Variants in RASGRP3 observed in about 807,000 individuals in gnomAD.
The protein encoded by RASGRP3 is ras guanyl-releasing protein 3.
RASGRP3 carries 54 observed loss-of-function variants against 82.7 expected under a neutral mutation model. That is an observed-to-expected ratio of 0.65 (90% CI 0.52 to 0.82). The LOEUF is 0.82. Among genes scored for constraint, RASGRP3 ranks in the 40% least tolerant of loss-of-function variants. RASGRP3 has a pLI of 0.00. For missense variants in RASGRP3, 861 were observed against 828.9 expected, an observed-to-expected ratio of 1.04 and a Z score of -0.48; for synonymous variants, 309 against 300.5, an observed-to-expected ratio of 1.03 and a Z score of -0.29.
At chr2:33,510,080 A>G (rs1670790330) in intron 1 of RASGRP3, among the ~76,000 whole-genome samples, 2 of 152,236 alleles carry the variant, frequency 1.3e-5, no homozygotes, top group Admixed American at 6.5e-5. Context: ...ACTTGTATTC[A>G]TGAAGGATTA....
intron 13 of RASGRP3, among the ~76,000 whole-genome samples, chr2:33,547,222 A>G (rs1054355055): frequency 2.0e-5 from 3 of 152,036 alleles, no homozygotes; most frequent in Non-Finnish European, 4.4e-5. Context: ...TCAAGAACAC[A>G]AAGAAGGGAA....
intron 12 of RASGRP3, among the ~76,000 whole-genome samples, chr2:33,541,111 A>G (rs988178731): frequency 2.7e-5 from 4 of 147,440 alleles, no homozygotes; most frequent in Admixed American, 7.0e-5. Flanking sequence ...ATGTGTTTGC[A>G]GAAAGAACTT....
intron 15 of RASGRP3, 83 bp from the exon 16 acceptor site, chr2:33,558,128 G>C: frequency 3.3e-6 from 5 of 1,515,548 alleles, no homozygotes; most frequent in Non-Finnish European, 4.5e-6. Flanking sequence ...GGGGAGGGGA[G>C]GGCTGACAAA....
chr2:33,507,994 T>C (rs1670552513), intron 1 of RASGRP3, among the ~76,000 whole-genome samples: 2 of 152,162 alleles, frequency 1.3e-5, no homozygotes, highest in African/African-American at 4.8e-5. Context: ...AAAGAAGTGG[T>C]TGGTGGCAGA....
Position 33,520,542 on chromosome 2 carries a change from A to G in RASGRP3, c.237-11A>G, listed in dbSNP as rs545311745. On this transcript the variant is annotated splice_polypyrimidine_tract_variant and intron_variant, in intron 5 of 17. Coordinates refer to ENST00000403687, the MANE Select transcript of RASGRP3 (RefSeq NM_001139488.2). ...ATCTTCCAGCTGCCAAAAATATTTGATGCCTTTCAGGTACTGGATTCTGAA... is the reference window on the plus strand; with the variant it reads ...ATCTTCCAGCTGCCAAAAATATTTGGTGCCTTTCAGGTACTGGATTCTGAA... 2.5e-6 allele frequency: 4 copies of G among 1,612,256 alleles called. No homozygotes were observed. The East Asian group carries it at 6.7e-5, about 27-fold the overall frequency.
intron 1 of RASGRP3, among the ~76,000 whole-genome samples, chr2:33,487,969 T>C (rs1668537095): frequency 6.6e-6 from 1 of 152,190 alleles, no homozygotes; most frequent in Non-Finnish European, 1.5e-5. Context: ...CACGTATATA[T>C]GTATATTACC....
upstream of RASGRP3, among the ~76,000 whole-genome samples, chr2:33,473,855 G>A (rs1667203378): frequency 6.6e-6 from 1 of 152,138 alleles, no homozygotes; most frequent in Non-Finnish European, 1.5e-5. Flanking sequence ...CCAGTTTCAT[G>A]GAAGACAATT....
At chr2:33,559,455 T>C (rs928493348) in intron 17 of RASGRP3, among the ~76,000 whole-genome samples, 1 of 152,214 alleles carries the variant, frequency 6.6e-6, no homozygotes, top group Non-Finnish European at 1.5e-5. Flanking sequence ...CTTTTCATTC[T>C]GCTCAAAAGA....
rs530478556 is a variant in RASGRP3, at chr2:33,534,676, A to G, written c.1161+276A>G. Among the ~76,000 whole-genome samples the G allele has an allele frequency of 2.8e-3, 421 of 148,688 alleles. 2 individuals carry two copies. Among genetic ancestry groups the G allele is most frequent in the African/African-American group, 0.01 (411 of 40,328 alleles). On this transcript the variant is annotated intron_variant, in intron 11 of 17. Coordinates refer to ENST00000403687, the MANE Select transcript of RASGRP3 (RefSeq NM_001139488.2). ...CCCAAGTAGCTAGAATTATAGGTGCACACTGCCACACCCAGCAATTTTTTT... is the reference window on the plus strand; with the variant it reads ...CCCAAGTAGCTAGAATTATAGGTGCGCACTGCCACACCCAGCAATTTTTTT...
At chr2:33,536,988 G>A (rs1366841577) in intron 11 of RASGRP3, among the ~76,000 whole-genome samples, 1 of 152,146 alleles carries the variant, frequency 6.6e-6, no homozygotes, top group African/African-American at 2.4e-5. Flanking sequence ...GAGTCAGGGT[G>A]ACAGCCTTTT....
rs538019331 is a variant in RASGRP3 at position 33,542,660 on chromosome 2, C to A, written c.1279-852C>A. 1.2e-4 allele frequency among the ~76,000 whole-genome samples: 18 copies of A among 146,332 alleles called. 3 individuals carry two copies. In the South Asian group the frequency reaches 1.3e-3, roughly 11 times the overall value. On this transcript the variant is annotated intron_variant, in intron 12 of 17. Coordinates refer to ENST00000403687, the MANE Select transcript of RASGRP3 (RefSeq NM_001139488.2). ...CTTTCTTAATCCACCTCCTCTTTCC[C>A]CCCCCCACCAATATCACTCTATTTT...
intron 1 of RASGRP3, chr2:33,481,520 A>T (rs1481190949): frequency 6.6e-6 from 1 of 152,138 alleles, no homozygotes; most frequent in African/African-American, 2.4e-5. Flanking sequence ...ATGCACTTAC[A>T]CAATCTGTGG....
intron 3 of RASGRP3, among the ~76,000 whole-genome samples, chr2:33,516,140 T>G (rs1671441245): frequency 6.6e-6 from 1 of 152,204 alleles, no homozygotes; most frequent in Admixed American, 6.5e-5. Flanking sequence ...CCAGGCGCAG[T>G]GGCTCACGCC....
chr2:33,438,328 C>T (rs537483319), intron 1 of RASGRP3, among the ~76,000 whole-genome samples: 12 of 152,154 alleles, frequency 7.9e-5, no homozygotes, highest in African/African-American at 2.6e-4. Context: ...TTTGGGAGAC[C>T]GAGGCGGGTG....
At chr2:33,507,629 G>C (rs563600503) in intron 1 of RASGRP3, among the ~76,000 whole-genome samples, 1 of 152,130 alleles carries the variant, frequency 6.6e-6, no homozygotes, top group East Asian at 1.9e-4. Flanking sequence ...AGGTTCAGGC[G>C]ATTCTCCTGC....
intron 14 of RASGRP3, among the ~76,000 whole-genome samples, 174 bp downstream of exon 14, chr2:33,549,925 T>C (rs1352854282): frequency 6.6e-6 from 1 of 152,216 alleles, no homozygotes; most frequent in Non-Finnish European, 1.5e-5. Context: ...AGTTATTTTC[T>C]AGGAATGCAG....
intron 11 of RASGRP3, among the ~76,000 whole-genome samples, chr2:33,538,833 G>A (rs1489307767): frequency 2.0e-5 from 3 of 152,116 alleles, no homozygotes; most frequent in African/African-American, 7.2e-5. Context: ...GAGCCCAGGA[G>A]TTAGAGACCA....
At chr2:33,501,328 G>C (rs1669859350) in intron 1 of RASGRP3, among the ~76,000 whole-genome samples, 1 of 152,122 alleles carries the variant, frequency 6.6e-6, no homozygotes. Context: ...TTTGTCGATT[G>C]ATAGACATTT....
chr2:33,511,526 T>A (rs949884266), intron 1 of RASGRP3, among the ~76,000 whole-genome samples, 184 bp from the exon 2 acceptor site: 19 of 152,338 alleles, frequency 1.2e-4, no homozygotes, highest in African/African-American at 4.6e-4. Context: ...AAAAAAAAAT[T>A]GTCTTACCAA....
Sources: gnomAD v4.1 joint callset for allele counts (sites outside exome capture counted in the v4.1 genomes callset) on GRCh38, gnomAD v4.1.1 for gene constraint, MANE v1.5 for transcripts, NCBI Gene and HGNC (gene_info 2026-07-23, HGNC 2026-07-21) for gene names.